The following TF variants were observed in gnomAD, a reference collection of about 807,000 sequenced individuals.
The protein encoded by TF is serotransferrin.
TF carries 55 observed loss-of-function variants against 82.4 expected under a neutral mutation model. The observed-to-expected ratio is 0.67, with a 90% confidence interval of 0.54 to 0.84. TF has a LOEUF of 0.84. TF is among the 40% of genes least tolerant of loss of function. The pLI is 0.00. For synonymous variants in TF, 332 were observed against 332.6 expected (o/e 1.00, Z 0.02); for missense variants, 737 against 868.4 (o/e 0.85, Z 1.90).
At chr3:133,726,045 T>A in the TF span, among the ~76,000 whole-genome samples, 2 of 152,242 alleles carry the variant, frequency 1.3e-5, no homozygotes, top group Non-Finnish European at 2.9e-5. Context: ...GACGTGCTGC[T>A]GGATTCGGTT....
chr3:133,728,131 C>T, the TF span, among the ~76,000 whole-genome samples: 1 of 152,082 alleles, frequency 6.6e-6, no homozygotes. Flanking sequence ...AATTATGTGT[C>T]TTGGAGTTGT....
chr3:133,760,211 T>C (rs950548843), intron 9 of TF: 3 of 152,128 alleles, frequency 2.0e-5, no homozygotes, highest in African/African-American at 7.2e-5. Context: ...AGCAAATATA[T>C]TGAAACAAAG....
At chr3:133,754,428 C>G (rs6778321) in intron 3 of TF, 67 bp from the exon 4 acceptor site, 99 of 1,529,074 alleles carry the variant, frequency 6.5e-5, no homozygotes, top group Non-Finnish European at 8.4e-5. Context: ...CTCAAGAGTC[C>G]GGTGGTGATG....
chr3:133,727,007 G>A, the TF span, among the ~76,000 whole-genome samples: 55,332 of 151,828 alleles, frequency 0.36, 10,435 homozygotes, highest in South Asian at 0.5. Context: ...GTTTGATTGC[G>A]CTGTGGTCTG....
At chr3:133,714,275 T>C in the TF span, among the ~76,000 whole-genome samples, 2 of 152,130 alleles carry the variant, frequency 1.3e-5, no homozygotes, top group African/African-American at 2.4e-5. Flanking sequence ...ACTCTAGGTA[T>C]TGTGGGCAGT....
At chr3:133,740,484 C>A in the TF span, among the ~76,000 whole-genome samples, 2 of 152,124 alleles carry the variant, frequency 1.3e-5, no homozygotes, top group Non-Finnish European at 2.9e-5. Context: ...GTACATGCTA[C>A]CATGCCCGGC....
intron 2 of TF, among the ~76,000 whole-genome samples, chr3:133,749,622 G>T (rs938821139): frequency 2.6e-5 from 4 of 152,190 alleles, no homozygotes; most frequent in Non-Finnish European, 5.9e-5. Flanking sequence ...CTGAGCCTGG[G>T]TGGGCTCCAG....
At chr3:133,755,996 C>A (rs1241934849) in intron 5 of TF, among the ~76,000 whole-genome samples, 1 of 152,204 alleles carries the variant, frequency 6.6e-6, no homozygotes, top group Admixed American at 6.5e-5. Flanking sequence ...CCTCAGGAGA[C>A]ACTATACCAT....
chr3:133,741,446 C>A (rs909183968), upstream of TF, among the ~76,000 whole-genome samples: 1 of 152,052 alleles, frequency 6.6e-6, no homozygotes, highest in East Asian at 1.9e-4. Flanking sequence ...AAGGGCCTCC[C>A]GTAAAAAGGA....
upstream of TF, chr3:133,746,012 C>T: frequency 3.5e-6 from 1 of 285,802 alleles, no homozygotes; most frequent in South Asian, 4.1e-5. Context: ...GTTCTTTTCC[C>T]TCTCCAGCCT....
the TF span, among the ~76,000 whole-genome samples, chr3:133,732,804 G>C: frequency 6.8e-6 from 1 of 146,412 alleles, no homozygotes; most frequent in Middle Eastern, 3.4e-3. Context: ...CGAGACCAAT[G>C]AACCCACCAA....
In TF at chr3:133,780,552, G is replaced by C. The variant is rs954431776; in HGVS notation, c.*1932G>C. ...ACAGAAGCATTCCTACTAAAGTTAG[G>C]AACATGAAAAAAATTGATTACTATC... On this transcript the variant is annotated 3_prime_UTR_variant, in exon 17 of 17. Coordinates refer to ENST00000402696, the MANE Select transcript of TF (RefSeq NM_001063.4). The C allele has an allele frequency of 6.6e-6, 1 of 152,034 alleles. No individual in the cohort carries two copies. Among genetic ancestry groups the C allele is most frequent in the African/African-American group, 2.4e-5 (1 of 41,386 alleles). 9.4% of individuals were successfully genotyped at this position (152,034 alleles called of 1,614,324 possible).
the TF span, among the ~76,000 whole-genome samples, chr3:133,731,154 C>T: frequency 6.6e-6 from 1 of 152,090 alleles, no homozygotes; most frequent in Non-Finnish European, 1.5e-5. Context: ...GCTCTGGAGG[C>T]AGTAGAAGGA....
At chr3:133,754,464 A>G in intron 3 of TF, 31 bp from the exon 4 acceptor site, 1 of 1,612,220 alleles carries the variant, frequency 6.2e-7, no homozygotes, top group Non-Finnish European at 8.5e-7. Context: ...CACCAGGCTG[A>G]GGGCCTTCCA....
chr3:133,747,324 T>G (rs1576353696), intron 1 of TF: 1 of 152,486 alleles, frequency 6.6e-6, no homozygotes, highest in East Asian at 1.9e-4. Flanking sequence ...CTATGGGAAC[T>G]CTGGAGGCAG....
the TF span, among the ~76,000 whole-genome samples, chr3:133,733,249 C>T: frequency 1.3e-5 from 2 of 149,392 alleles, no homozygotes; most frequent in South Asian, 2.1e-4. Context: ...CGAGCATCTA[C>T]TATCTCACCT....
At chr3:133,762,248 A>G (rs1271896876) in intron 9 of TF, 1 of 199,628 alleles carries the variant, frequency 5.0e-6, no homozygotes, top group Admixed American at 4.5e-5. Flanking sequence ...AATTGTTCTT[A>G]TGTCATTGGA....
At chr3:133,691,641 G>A in the TF span, 2 of 152,792 alleles carry the variant, frequency 1.3e-5, no homozygotes, top group Non-Finnish European at 2.9e-5. Flanking sequence ...TGTCTATTGA[G>A]CAAGTGTCTC....
At chr3:133,677,675 A>G in the TF span, among the ~76,000 whole-genome samples, 9 of 151,522 alleles carry the variant, frequency 5.9e-5, no homozygotes, top group African/African-American at 2.2e-4. Flanking sequence ...AACAACAAAA[A>G]TCATTTCTTT....
Sources: gnomAD v4.1 joint callset for allele counts (sites outside exome capture counted in the v4.1 genomes callset) on GRCh38, gnomAD v4.1.1 for gene constraint, MANE v1.5 for transcripts, NCBI Gene and HGNC (gene_info 2026-07-23, HGNC 2026-07-21) for gene names.